DMAC2: variants seen among roughly 807,000 people sequenced by gnomAD.
DMAC2 encodes the protein distal membrane arm assembly component 2, also known as distal membrane-arm assembly complex protein 2.
DMAC2 carries 32 observed loss-of-function variants against 29.6 expected under a neutral mutation model. The ratio of observed to expected loss-of-function variants is 1.08; its 90% CI spans 0.81 to 1.45. DMAC2 has a LOEUF of 1.45. DMAC2 is among the 40% of genes most tolerant of loss of function. DMAC2 has a pLI of 0.00. For missense variants in DMAC2, 319 were observed against 340.0 expected (o/e 0.94, Z 0.49); for synonymous variants, 133 against 137.4 (o/e 0.97, Z 0.23).
intron 2 of DMAC2, among the ~76,000 whole-genome samples, chr19:41,437,465 G>A (rs1203475807): frequency 2.6e-5 from 4 of 152,172 alleles, no homozygotes; most frequent in African/African-American, 4.8e-5. Context: ...CTGGGAGACC[G>A]AGGCAGGCGG....
chr19:41,438,425 G>A lies in DMAC2; in HGVS notation c.19-11C>T. The A allele has an allele frequency of 1.2e-6, 2 of 1,605,458 alleles. No homozygotes were observed. Among genetic ancestry groups the A allele is most frequent in the Non-Finnish European group, 1.7e-6 (2 of 1,175,718 alleles). On this transcript the variant is annotated splice_polypyrimidine_tract_variant and intron_variant, in intron 1 of 5. Coordinates refer to ENST00000221943, the MANE Select transcript of DMAC2 (RefSeq NM_018035.3). ...GACCAGGCGCAGGGACTGGGGAGGG[G>A]GAGAGGAAAGGAGCTGAGCCTGGAG...
Position 41,432,341 on chromosome 19 carries a change from C to T in DMAC2, c.664G>A (p.Val222Met). The T allele has an allele frequency of 1.9e-6, 3 of 1,614,166 alleles. No homozygotes were observed. The highest frequency in any genetic ancestry group is 2.5e-6 in the Non-Finnish European group (3 of 1,180,034). The change falls in exon 6 of 6, where the codon GTG becomes ATG. Residue 222 changes from valine to methionine, a missense_variant. Physicochemically the swap from Val to Met is conservative, Grantham distance 21. Coordinates refer to ENST00000221943, the MANE Select transcript of DMAC2 (RefSeq NM_018035.3). ...TCGCAATTGGGCAGCATCTCCTCCA[C>T]CAATATCTGAGTGAGGCCAGGGTTG... ...VSNPGLTQIL[V>M]EEMLPNCEVV... is the part of the protein sequence containing the mutation.
At chr19:41,433,740 A>T (rs1411999945) in intron 3 of DMAC2, 67 bp from the exon 4 acceptor site, 4 of 1,601,614 alleles carry the variant, frequency 2.5e-6, no homozygotes, top group Admixed American at 3.4e-5. Flanking sequence ...CCTCTTCAGA[A>T]CCTTCCCCAG....
chr19:41,437,132 G>A (rs1198928918), intron 2 of DMAC2, among the ~76,000 whole-genome samples: 4 of 152,210 alleles, frequency 2.6e-5, no homozygotes, highest in African/African-American at 9.6e-5. Flanking sequence ...AGGTGTGGTG[G>A]CTCACGCCTG....
At chr19:41,435,646 G>A (rs149626042) in intron 3 of DMAC2, among the ~76,000 whole-genome samples, 1 of 152,078 alleles carries the variant, frequency 6.6e-6, no homozygotes, top group Non-Finnish European at 1.5e-5. Context: ...GCTCACTGTA[G>A]CCTCCTGGAC....
intron 5 of DMAC2, chr19:41,432,884 G>GTGCGTGCA (rs1487063900): frequency 3.8e-6 from 2 of 525,186 alleles, no homozygotes; most frequent in Non-Finnish European, 6.7e-6. Context: ...GTGTGTGTGC[G>GTGCGTGCA]TGCGTGCATG....
intron 5 of DMAC2, 160 bp from the exon 6 acceptor site, chr19:41,432,568 C>CGTGTGTGT (rs149102482): frequency 3.8e-5 from 20 of 520,082 alleles, no homozygotes; most frequent in African/African-American, 1.5e-4. Context: ...ACAGTGTGTG[C>CGTGTGTGT]GTGTGTGTGT....
Position 41,437,128 on chromosome 19 carries a change from G to A in DMAC2, c.216-656C>T, listed in dbSNP as rs2039907153. On this transcript the variant is annotated intron_variant, in intron 2 of 5. Coordinates refer to ENST00000221943, the MANE Select transcript of DMAC2 (RefSeq NM_018035.3). Reference sequence around the variant, plus strand: ...AAAAACTATGGGACAGGCCAGGTGTGGTGGCTCACGCCTGTAATCCCAGCA... The same window carrying A: ...AAAAACTATGGGACAGGCCAGGTGTAGTGGCTCACGCCTGTAATCCCAGCA... Among the ~76,000 whole-genome samples, 6 of 152,180 alleles carry A rather than the reference G, an allele frequency of 3.9e-5. No homozygotes were observed. In the South Asian group the frequency reaches 1.2e-3, roughly 32 times the overall value.
At chr19:41,435,873 T>TC (rs2039833606) in intron 3 of DMAC2, among the ~76,000 whole-genome samples, 2 of 151,768 alleles carry the variant, frequency 1.3e-5, no homozygotes, top group African/African-American at 4.8e-5. Flanking sequence ...TTCAGTCTTT[T>TC]TTTTTTTTTT....
chr19:41,435,760 A>G (rs2039824265), intron 3 of DMAC2, among the ~76,000 whole-genome samples: 1 of 150,664 alleles, frequency 6.6e-6, no homozygotes, highest in Non-Finnish European at 1.5e-5. Context: ...AGGGTCTCAC[A>G]AAGCTGCTGA....
chr19:41,435,194 T>C (rs1204699774), intron 3 of DMAC2, among the ~76,000 whole-genome samples: 2 of 151,894 alleles, frequency 1.3e-5, no homozygotes, highest in Non-Finnish European at 2.9e-5. Context: ...CCGAGGCTGG[T>C]CTTGAACTCC....
At chr19:41,438,113 A>T in intron 2 of DMAC2, 105 bp downstream of exon 2, 1 of 1,063,194 alleles carries the variant, frequency 9.4e-7, no homozygotes, top group Middle Eastern at 2.4e-4. Context: ...AGAGACATCA[A>T]GGCTGGCACT....
At chr19:41,436,034 C>T (rs2039846034) in intron 3 of DMAC2, among the ~76,000 whole-genome samples, 1 of 152,122 alleles carries the variant, frequency 6.6e-6, no homozygotes, top group South Asian at 2.1e-4. Flanking sequence ...TGCCACCACG[C>T]CCAGCTAAGT....
At chr19:41,437,607 G>A (rs1457901568) in intron 2 of DMAC2, among the ~76,000 whole-genome samples, 1 of 152,028 alleles carries the variant, frequency 6.6e-6, no homozygotes, top group Non-Finnish European at 1.5e-5. Flanking sequence ...GCGGAGGCAG[G>A]AGAATTGCTT....
At chr19:41,438,511 G>C in intron 1 of DMAC2, 97 bp from the exon 2 acceptor site, 6 of 1,005,034 alleles carry the variant, frequency 6.0e-6, no homozygotes, top group Non-Finnish European at 8.5e-6. Context: ...CAATCCCTCT[G>C]CTTCCCAACT....
rs557729270 is a variant in DMAC2, at chr19:41,435,395, T to C, written c.296+997A>G. On this transcript the variant is annotated intron_variant, in intron 3 of 5. Transcript: ENST00000221943. The stretch of plus-strand genomic sequence containing the variant: ...AAGGGATTCTCCTGCCTCAGCCTCC[T>C]AAGTAGCTGGCATTACAGGCGTGCG... Among the ~76,000 whole-genome samples, 165 of 152,088 alleles carry C rather than the reference T, an allele frequency of 1.1e-3. 1 individual carries two copies. Among genetic ancestry groups the C allele is most frequent in the African/African-American group, 3.7e-3 (155 of 41,498 alleles).
chr19:41,432,402 G>A lies in DMAC2; in HGVS notation c.603C>T (p.Leu201=), dbSNP rs1555769301. The stretch of plus-strand genomic sequence containing the variant: ...GGAGGTCCGAGATGTCCAGCCTGCG[G>A]AGGTTCCTGAAAAGGGGTGAGAAGG... ...GLACLHHLQN[L]RRLDISDLPA... Residue 201 remains leucine (L), a synonymous_variant, in exon 6 of 6, where the codon CTC becomes CTT. Transcript: ENST00000221943. The A allele has an allele frequency of 6.2e-7, 1 of 1,613,648 alleles. No homozygotes were observed.
intron 3 of DMAC2, 41 bp downstream of exon 3, chr19:41,436,351 A>C: frequency 6.4e-7 from 1 of 1,572,110 alleles, no homozygotes; most frequent in Non-Finnish European, 8.8e-7. Flanking sequence ...GAGATACCCC[A>C]CCACCTGCCC....
chr19:41,432,681 G>GTGT (rs2039602834), intron 5 of DMAC2: 2 of 290,050 alleles, frequency 6.9e-6, no homozygotes, highest in African/African-American at 5.6e-5. Context: ...TGTGTGTATA[G>GTGT]GGAGATAAGC....
Sources: allele counts gnomAD v4.1 joint callset (sites outside exome capture counted in the v4.1 genomes callset), GRCh38; gene constraint gnomAD v4.1.1; transcripts MANE v1.5; gene names NCBI Gene and HGNC (gene_info 2026-07-23, HGNC 2026-07-21).